SUSD6: variants seen among roughly 807,000 people sequenced by gnomAD.
SUSD6 encodes the protein sushi domain-containing protein 6.
A neutral mutation model predicts 28.4 loss-of-function variants in SUSD6; 16 were observed. The ratio of observed to expected loss-of-function variants is 0.56; its 90% CI spans 0.38 to 0.86. The LOEUF (loss-of-function observed/expected upper bound fraction) is 0.86, where lower values mean the gene tolerates loss of function less well. SUSD6 is among the 40% of genes least tolerant of loss of function. The pLI is 0.00. For missense variants in SUSD6, 341 were observed against 384.2 expected (o/e 0.89, Z 0.94); for synonymous variants, 147 against 159.6 (o/e 0.92, Z 0.59).
chr14:69,703,735 G>C, intron 3 of SUSD6, 143 bp downstream of exon 3: 3 of 709,864 alleles, frequency 4.2e-6, no homozygotes, highest in Non-Finnish European at 7.2e-6. Context: ...CCCTTCCTTG[G>C]GTCTTCATGT....
chr14:69,662,534 C>A (rs1885678331), intron 2 of SUSD6, among the ~76,000 whole-genome samples: 1 of 152,168 alleles, frequency 6.6e-6, no homozygotes, highest in South Asian at 2.1e-4. Context: ...TTGGTCATTC[C>A]TTTAAATGGG....
At chr14:69,698,254 T>G (rs1024695298) in intron 2 of SUSD6, among the ~76,000 whole-genome samples, 1 of 152,088 alleles carries the variant, frequency 6.6e-6, no homozygotes, top group African/African-American at 2.4e-5. Context: ...CTTGAACCCA[T>G]GAGGCAGAGG....
At chr14:69,656,737 G>GA (rs1885589273) in intron 1 of SUSD6, among the ~76,000 whole-genome samples, 1 of 152,222 alleles carries the variant, frequency 6.6e-6, no homozygotes. Flanking sequence ...TACAGATGAG[G>GA]AGACTAAGGC....
intron 2 of SUSD6, among the ~76,000 whole-genome samples, chr14:69,676,940 G>C (rs576617003): frequency 7.9e-5 from 12 of 152,346 alleles, no homozygotes; most frequent in African/African-American, 2.6e-4. Flanking sequence ...TGAAGGTGGT[G>C]AGGTGGCCCA....
intron 1 of SUSD6, among the ~76,000 whole-genome samples, chr14:69,616,008 A>G (rs921641418): frequency 6.6e-6 from 1 of 152,238 alleles, no homozygotes; most frequent in Non-Finnish European, 1.5e-5. Context: ...TCCTACACAC[A>G]TACACAAGTG....
At chr14:69,623,464 A>T (rs1885071072) in intron 1 of SUSD6, among the ~76,000 whole-genome samples, 1 of 152,218 alleles carries the variant, frequency 6.6e-6, no homozygotes, top group Non-Finnish European at 1.5e-5. Flanking sequence ...AATTATGTAT[A>T]GTACATAATA....
At chr14:69,616,475 A>G (rs1273668274) in intron 1 of SUSD6, among the ~76,000 whole-genome samples, 2 of 152,244 alleles carry the variant, frequency 1.3e-5, no homozygotes, top group African/African-American at 2.4e-5. Context: ...GGAATGGCAT[A>G]AGAGCCTGTT....
chr14:69,700,400 C>T (rs976698249), intron 2 of SUSD6, among the ~76,000 whole-genome samples: 1 of 152,190 alleles, frequency 6.6e-6, no homozygotes, highest in Non-Finnish European at 1.5e-5. Context: ...TCTTATAATG[C>T]TACCCTTCTC....
In SUSD6 at chr14:69,690,782, C is replaced by G. The variant is rs1886141638; in HGVS notation, c.122-12613C>G. Among the ~76,000 whole-genome samples the G allele has an allele frequency of 2.0e-5, 3 of 152,158 alleles. 1 individual carries two copies. In the South Asian group the frequency reaches 6.2e-4, roughly 32 times the overall value. On this transcript the variant is annotated intron_variant, in intron 2 of 5. Coordinates refer to ENST00000342745, the MANE Select transcript of SUSD6 (RefSeq NM_014734.4). ...CACAAGATGAAGGAGGAAGAATATCCAGGTCAATGGACTTGGTAACTTCCG... is the reference window on the plus strand; with the variant it reads ...CACAAGATGAAGGAGGAAGAATATCGAGGTCAATGGACTTGGTAACTTCCG...
At chr14:69,679,772 T>C (rs1217314530) in intron 2 of SUSD6, among the ~76,000 whole-genome samples, 1 of 152,234 alleles carries the variant, frequency 6.6e-6, no homozygotes, top group African/African-American at 2.4e-5. Flanking sequence ...ATTTTTTTCC[T>C]GTCTGGTAGG....
At chr14:69,618,672 A>G (rs1884993267) in intron 1 of SUSD6, among the ~76,000 whole-genome samples, 1 of 152,256 alleles carries the variant, frequency 6.6e-6, no homozygotes, top group South Asian at 2.1e-4. Context: ...TCTTCTAGAA[A>G]GTTCCCTCCT....
chr14:69,710,931 C>A (rs1490893373), intron 5 of SUSD6, 23 bp from the exon 6 acceptor site: 2 of 1,613,728 alleles, frequency 1.2e-6, no homozygotes, highest in Admixed American at 3.3e-5. Context: ...AACCACTGTG[C>A]TTTTCTTCTG....
chr14:69,619,864 A>C (rs902249798), intron 1 of SUSD6, among the ~76,000 whole-genome samples: 4 of 152,166 alleles, frequency 2.6e-5, no homozygotes, highest in African/African-American at 9.7e-5. Flanking sequence ...CACCCCATTA[A>C]CCTACCAAAC....
chr14:69,673,659 G>T (rs970519473), intron 2 of SUSD6, among the ~76,000 whole-genome samples: 4 of 152,126 alleles, frequency 2.6e-5, no homozygotes, highest in African/African-American at 9.7e-5. Flanking sequence ...GCCAGACCTG[G>T]TGAGCCCCGG....
At chr14:69,687,740 G>C (rs919366478) in intron 2 of SUSD6, among the ~76,000 whole-genome samples, 1 of 152,192 alleles carries the variant, frequency 6.6e-6, no homozygotes, top group Non-Finnish European at 1.5e-5. Context: ...GGCTGGCCAC[G>C]ACATGGAGTT....
chr14:69,651,303 G>C (rs1246469030), intron 1 of SUSD6, among the ~76,000 whole-genome samples: 1 of 152,212 alleles, frequency 6.6e-6, no homozygotes. Context: ...GTTGTCTGAA[G>C]TTGGGGAAAG....
At chr14:69,665,028 C>T (rs1374733693) in intron 2 of SUSD6, among the ~76,000 whole-genome samples, 5 of 152,126 alleles carry the variant, frequency 3.3e-5, no homozygotes, top group African/African-American at 7.2e-5. Flanking sequence ...GCCTGGCTGC[C>T]TGGACTGGGA....
At chr14:69,637,617 ATTGGGTGATGTTGCCATCCC>A (rs1349035031) in intron 1 of SUSD6, among the ~76,000 whole-genome samples, 2 of 152,154 alleles carry the variant, frequency 1.3e-5, no homozygotes, top group African/African-American at 4.8e-5. Context: ...GTGGCAAAGC[ATTGGGTGATGTTGCCATCCC>A]CACCCCCAGG....
rs35901642 is a variant in SUSD6 at position 69,708,907 on chromosome 14, A to G, written c.689A>G (p.Asp230Gly). 8.1e-6 allele frequency: 13 copies of G among 1,614,154 alleles called. No individual in the cohort carries two copies. Among genetic ancestry groups the G allele is most frequent in the Admixed American group, 6.7e-5 (4 of 60,022 alleles). The change falls in exon 5 of 6, where the codon GAT (aspartate) becomes GGT (glycine). Residue 230 changes from aspartate (D) to glycine (G), a missense_variant. Asp to Gly is a moderately conservative substitution (Grantham distance 94, BLOSUM62 -1). Transcript: ENST00000342745. ...QGACSSAGGEDEAPGQSGLCE... is the reference protein window; with the variant it reads ...QGACSSAGGEGEAPGQSGLCE... ...GCCTGCTCCTCTGCAGGTGGAGAAG[A>G]TGAGGCCCCAGGCCAGTCTGGACTA...
Sources: gnomAD v4.1 joint callset for allele counts (sites outside exome capture counted in the v4.1 genomes callset) on GRCh38, gnomAD v4.1.1 for gene constraint, MANE v1.5 for transcripts, NCBI Gene and HGNC (gene_info 2026-07-23, HGNC 2026-07-21) for gene names.